TMEM117: variants seen among roughly 807,000 people sequenced by gnomAD.
TMEM117 encodes the protein transmembrane protein 117.
TMEM117 carries 27 observed loss-of-function variants against 52.4 expected under a neutral mutation model. That is an observed-to-expected ratio of 0.51 (90% CI 0.38 to 0.71). The LOEUF is 0.71. TMEM117 is among the 30% of genes least tolerant of loss of function. The probability of loss-of-function intolerance (pLI) is 0.00; values close to 1 mark genes in which losing one functional copy is unlikely to be tolerated. For missense variants in TMEM117, 556 were observed against 630.5 expected (o/e 0.88, Z 1.26); for synonymous variants, 215 against 206.3 (o/e 1.04, Z -0.36).
At chr12:44,373,874 C>A (rs550339047) in intron 6 of TMEM117, among the ~76,000 whole-genome samples, 1 of 144,672 alleles carries the variant, frequency 6.9e-6, no homozygotes, top group Non-Finnish European at 1.5e-5. Flanking sequence ...CTCCGTCTCC[C>A]GGGTTCAAGC....
intron 4 of TMEM117, among the ~76,000 whole-genome samples, chr12:44,146,778 CAAT>C (rs1948648561): frequency 6.6e-6 from 1 of 152,106 alleles, no homozygotes; most frequent in South Asian, 2.1e-4. Context: ...AAATGAATAT[CAAT>C]GATGAGGGTG....
chr12:44,074,203 T>C (rs1165845512), intron 3 of TMEM117, among the ~76,000 whole-genome samples: 1 of 152,178 alleles, frequency 6.6e-6, no homozygotes. Context: ...AGTTGCATTA[T>C]AGTCAAGGTA....
chr12:44,076,497 G>T (rs537866291), intron 3 of TMEM117, among the ~76,000 whole-genome samples: 113 of 152,252 alleles, frequency 7.4e-4, no homozygotes, highest in Middle Eastern at 3.4e-3. Flanking sequence ...CATTATTGTG[G>T]TGTTAGAAAG....
intron 5 of TMEM117, among the ~76,000 whole-genome samples, chr12:44,213,042 A>G (rs761639605): frequency 6.6e-6 from 1 of 152,144 alleles, no homozygotes; most frequent in Non-Finnish European, 1.5e-5. Context: ...GGCCTATGGT[A>G]CTATTTAACC....
Position 44,389,066 on chromosome 12 carries a change from A to AAGGCGAC in TMEM117, c.*394_*395insAGGCGAC. Reference sequence around the variant, plus strand: ...CCTATTTCACATGGGCGTTTTGTATACAACTATTTTGATCTACACTTGATG... The same window carrying AAGGCGAC: ...CCTATTTCACATGGGCGTTTTGTATAAGGCGACCAACTATTTTGATCTACACTTGATG... On this transcript the variant is annotated 3_prime_UTR_variant, in exon 8 of 8. Coordinates refer to ENST00000266534, the MANE Select transcript of TMEM117 (RefSeq NM_032256.3). 1.3e-5 allele frequency: 2 copies of AAGGCGAC among 158,462 alleles called. No individual in the cohort carries two copies. Among genetic ancestry groups the AAGGCGAC allele is most frequent in the Non-Finnish European group, 2.8e-5 (2 of 71,796 alleles). 9.8% of individuals were successfully genotyped at this position (158,462 alleles called of 1,614,324 possible).
chr12:44,055,426 TTGA>T (rs1319346556), intron 3 of TMEM117, among the ~76,000 whole-genome samples: 1 of 152,188 alleles, frequency 6.6e-6, no homozygotes, highest in Non-Finnish European at 1.5e-5. Flanking sequence ...TAAAATCACT[TTGA>T]TTGTAATGAA....
intron 2 of TMEM117, among the ~76,000 whole-genome samples, chr12:43,870,321 G>A: frequency 6.6e-6 from 1 of 151,294 alleles, no homozygotes; most frequent in East Asian, 1.9e-4. Context: ...GTGCAGTGGT[G>A]TGATCTCGGC....
intron 3 of TMEM117, among the ~76,000 whole-genome samples, chr12:44,120,131 G>A (rs1948209433): frequency 6.6e-6 from 1 of 152,124 alleles, no homozygotes; most frequent in African/African-American, 2.4e-5. Flanking sequence ...TGTGCCCAGA[G>A]AAGGTAAAAT....
chr12:43,962,799 G>T (rs979470627), intron 3 of TMEM117, among the ~76,000 whole-genome samples: 2 of 152,024 alleles, frequency 1.3e-5, no homozygotes, highest in African/African-American at 4.8e-5. Flanking sequence ...ATGGCGGCGG[G>T]CGCCTGTAGT....
At chr12:44,064,775 G>A (rs987697882) in intron 3 of TMEM117, among the ~76,000 whole-genome samples, 3 of 152,100 alleles carry the variant, frequency 2.0e-5, no homozygotes, top group Non-Finnish European at 2.9e-5. Flanking sequence ...GTAGGTCAAA[G>A]GTTATATAAA....
Position 44,226,003 on chromosome 12 carries a change from A to G in TMEM117, c.608+14616A>G, listed in dbSNP as rs553438216. The stretch of plus-strand genomic sequence containing the variant: ...AATTTATCTGACTAACGTCGCAAAA[A>G]CAGTTTTAAACACCCATACACATGT... On this transcript the variant is annotated intron_variant, in intron 5 of 7. Coordinates refer to ENST00000266534, the MANE Select transcript of TMEM117 (RefSeq NM_032256.3). Among the ~76,000 whole-genome samples the G allele has an allele frequency of 4.6e-5, 7 of 152,282 alleles. No homozygotes were observed. In the East Asian group the frequency reaches 1.4e-3, roughly 29 times the overall value.
chr12:43,940,936 A>G (rs945081565), intron 2 of TMEM117, among the ~76,000 whole-genome samples: 2 of 152,284 alleles, frequency 1.3e-5, no homozygotes, highest in African/African-American at 4.8e-5. Context: ...TATTTCCAGA[A>G]AAAATTCTGA....
chr12:43,800,607 T>G, the TMEM117 span: 1 of 1,127,816 alleles, frequency 8.9e-7, no homozygotes, highest in Non-Finnish European at 1.3e-6. Context: ...CTGAATATAT[T>G]AATATCCTGA....
intron 3 of TMEM117, among the ~76,000 whole-genome samples, chr12:44,104,506 G>A (rs1216659437): frequency 6.6e-6 from 1 of 150,714 alleles, no homozygotes; most frequent in Non-Finnish European, 1.5e-5. Context: ...ACTTATTTAA[G>A]TCCCACAAAG....
chr12:43,848,594 C>A (rs1037930211), intron 2 of TMEM117, among the ~76,000 whole-genome samples: 1 of 152,066 alleles, frequency 6.6e-6, no homozygotes, highest in Non-Finnish European at 1.5e-5. Context: ...CCATAAAAAT[C>A]ACTATTATTC....
chr12:44,352,978 G>C (rs1389255227), intron 6 of TMEM117, among the ~76,000 whole-genome samples: 7 of 152,012 alleles, frequency 4.6e-5, no homozygotes, highest in Non-Finnish European at 7.4e-5. Context: ...ACTTTTTAAT[G>C]ATCGCCATTC....
intron 3 of TMEM117, among the ~76,000 whole-genome samples, chr12:43,974,820 T>A (rs1473652136): frequency 1.3e-5 from 2 of 152,190 alleles, no homozygotes; most frequent in East Asian, 1.9e-4. Context: ...AATATTGACA[T>A]ATCTGTTAAT....
intron 6 of TMEM117, chr12:44,376,298 G>T (rs1225745441): frequency 2.8e-6 from 1 of 354,144 alleles, no homozygotes; most frequent in Non-Finnish European, 5.2e-6. Context: ...TTTAAGTGCA[G>T]TTCTCCAGAA....
chr12:44,388,336 C>T lies in TMEM117; in HGVS notation c.1209C>T (p.Ala403=), dbSNP rs1457420053. The T allele has an allele frequency of 6.2e-7, 1 of 1,613,398 alleles. No homozygotes were observed. The highest frequency in any genetic ancestry group is 8.5e-7 in the Non-Finnish European group (1 of 1,179,660). Residue 403 remains alanine (A), a synonymous_variant, in exon 8 of 8, where the codon GCC becomes GCT. Coordinates refer to ENST00000266534, the MANE Select transcript of TMEM117 (RefSeq NM_032256.3). ...TGGCCTTTGTTCCAAGCCTGATAGC[C>T]TTTGTGTGGTTTGGATTCTTTATTT... ...KCLAFVPSLI[A]FVWFGFFIWF...
Sources: allele counts gnomAD v4.1 joint callset (sites outside exome capture counted in the v4.1 genomes callset), GRCh38; gene constraint gnomAD v4.1.1; transcripts MANE v1.5; gene names NCBI Gene and HGNC (gene_info 2026-07-23, HGNC 2026-07-21).